The following MICU3 variants were observed in gnomAD, a reference collection of about 807,000 sequenced individuals.
The protein encoded by MICU3 is mitochondrial calcium uptake 3, also known as calcium uptake protein 3, mitochondrial.
A neutral mutation model predicts 66.5 loss-of-function variants in MICU3; 62 were observed. The observed-to-expected ratio is 0.93, with a 90% confidence interval of 0.76 to 1.15. The LOEUF (loss-of-function observed/expected upper bound fraction) is 1.15. Ranked by LOEUF, MICU3 falls within the 50% of genes most tolerant of loss-of-function variation. The pLI is 0.00. For missense variants in MICU3, 779 were observed against 664.4 expected, an observed-to-expected ratio of 1.17 and a Z score of -1.90; for synonymous variants, 308 against 240.7, an observed-to-expected ratio of 1.28 and a Z score of -2.59.
chr8:17,063,351 A>G (rs1433279419), intron 1 of MICU3, among the ~76,000 whole-genome samples: 2 of 152,164 alleles, frequency 1.3e-5, no homozygotes, highest in South Asian at 4.1e-4. Context: ...AAACAAAATT[A>G]TACTTAACAA....
At chr8:17,036,605 C>G (rs982741976) in intron 1 of MICU3, among the ~76,000 whole-genome samples, 1 of 152,128 alleles carries the variant, frequency 6.6e-6, no homozygotes, top group East Asian at 1.9e-4. Context: ...CTCCAAGGCC[C>G]CACCAGAGCA....
downstream of MICU3, among the ~76,000 whole-genome samples, chr8:17,123,768 G>C (rs954001273): frequency 6.6e-6 from 1 of 151,822 alleles, no homozygotes; most frequent in Non-Finnish European, 1.5e-5. Context: ...AAAAAAGTAG[G>C]AGGTCCACTT....
chr8:17,116,977 A>T (rs796544882), intron 13 of MICU3, among the ~76,000 whole-genome samples: 28 of 152,082 alleles, frequency 1.8e-4, no homozygotes, highest in Admixed American at 4.6e-4. Context: ...ATTTTAATTT[A>T]ATTTTATTTA....
At chr8:17,099,855 C>T (rs1020606162) in intron 9 of MICU3, among the ~76,000 whole-genome samples, 1 of 151,726 alleles carries the variant, frequency 6.6e-6, no homozygotes, top group Non-Finnish European at 1.5e-5. Context: ...GAGTATCCAC[C>T]TTCCAGCCTC....
intron 11 of MICU3, among the ~76,000 whole-genome samples, chr8:17,109,663 C>G (rs2150822730): frequency 6.6e-6 from 1 of 152,212 alleles, no homozygotes; most frequent in East Asian, 1.9e-4. Context: ...AACTACATGG[C>G]TAAGGGTGGA....
intron 1 of MICU3, among the ~76,000 whole-genome samples, chr8:17,043,962 A>G (rs920531727): frequency 6.6e-6 from 1 of 152,238 alleles, no homozygotes; most frequent in African/African-American, 2.4e-5. Context: ...TATCCCACAT[A>G]TATGTCACCA....
chr8:17,101,469 C>A (rs1366503675), intron 9 of MICU3, among the ~76,000 whole-genome samples: 1 of 151,730 alleles, frequency 6.6e-6, no homozygotes, highest in Non-Finnish European at 1.5e-5. Context: ...GTTACTTATG[C>A]CTCATTGGAT....
At chr8:17,038,778 C>T (rs1160090625) in intron 1 of MICU3, among the ~76,000 whole-genome samples, 1 of 151,818 alleles carries the variant, frequency 6.6e-6, no homozygotes, top group Non-Finnish European at 1.5e-5. Flanking sequence ...ACGGTGAAAC[C>T]CCGTCTCTAC....
intron 1 of MICU3, among the ~76,000 whole-genome samples, chr8:17,031,727 G>C (rs1463885267): frequency 6.6e-6 from 1 of 152,150 alleles, no homozygotes; most frequent in Non-Finnish European, 1.5e-5. Context: ...AAATTAACCT[G>C]TATGTGTTAT....
In MICU3 at chr8:17,077,343, C is replaced by T. The variant is rs1820525341; in HGVS notation, c.568-440C>T. ...TCATTTACTTCCTCTACACAAAGTT[C>T]TCTAATTCCAAATGTGTTACAAAGA... On this transcript the variant is annotated intron_variant, in intron 3 of 14. Coordinates refer to ENST00000318063, the MANE Select transcript of MICU3 (RefSeq NM_181723.3). Among the ~76,000 whole-genome samples, 9 of 152,306 alleles carry T rather than the reference C, an allele frequency of 5.9e-5. No individual in the cohort carries two copies. The South Asian group carries it at 1.7e-3, about 28-fold the overall frequency.
chr8:17,125,102 A>G (rs1024213126), downstream of MICU3, among the ~76,000 whole-genome samples: 7 of 152,024 alleles, frequency 4.6e-5, no homozygotes, highest in African/African-American at 7.2e-5. Flanking sequence ...TGGTATTTCT[A>G]TTATTCAGAT....
At chr8:17,066,770 C>T (rs924669470) in intron 2 of MICU3, among the ~76,000 whole-genome samples, 24 of 152,028 alleles carry the variant, frequency 1.6e-4, no homozygotes, top group Middle Eastern at 6.8e-3. Context: ...TTGGCTTGAA[C>T]TCCTGGGCTC....
intron 11 of MICU3, among the ~76,000 whole-genome samples, chr8:17,106,114 G>C (rs982399250): frequency 3.9e-5 from 6 of 152,008 alleles, no homozygotes; most frequent in African/African-American, 1.2e-4. Flanking sequence ...TGTGTTGTCA[G>C]TGCTTCTGAA....
chr8:17,053,488 T>A (rs1476544421), intron 1 of MICU3, among the ~76,000 whole-genome samples: 1 of 152,188 alleles, frequency 6.6e-6, no homozygotes, highest in Admixed American at 6.5e-5. Flanking sequence ...CCTCACTACC[T>A]TAACAAGTAA....
intron 8 of MICU3, among the ~76,000 whole-genome samples, chr8:17,096,464 T>C (rs1239516166): frequency 6.6e-6 from 1 of 151,894 alleles, no homozygotes; most frequent in Non-Finnish European, 1.5e-5. Flanking sequence ...CATTTAAAAC[T>C]GTCTCCAGAA....
In MICU3 at chr8:17,121,872, T is replaced by C. The variant is rs1803219573; in HGVS notation, c.*1585T>C. 2 of 151,814 alleles carry C rather than the reference T, an allele frequency of 1.3e-5. No homozygotes were observed. Among genetic ancestry groups the C allele is most frequent in the South Asian group, 4.1e-4 (2 of 4,828 alleles). 9.4% of individuals were successfully genotyped at this position (151,814 alleles called of 1,614,324 possible). On this transcript the variant is annotated 3_prime_UTR_variant, in exon 15 of 15. Coordinates refer to ENST00000318063, the MANE Select transcript of MICU3 (RefSeq NM_181723.3). ...TCACTTGCTTTGAAAGTTGATTTAATTGACTGACTAAATGAAAATGCCTAC... is the reference window on the plus strand; with the variant it reads ...TCACTTGCTTTGAAAGTTGATTTAACTGACTGACTAAATGAAAATGCCTAC...
At chr8:17,117,407 A>C (rs545278482) in intron 13 of MICU3, among the ~76,000 whole-genome samples, 1 of 152,336 alleles carries the variant, frequency 6.6e-6, no homozygotes, top group East Asian at 1.9e-4. Context: ...ACAGTAAAAA[A>C]TAATTACCAG....
rs1344676115 is a variant in MICU3 at position 17,064,181 on chromosome 8, A to G, written c.479A>G (p.Gln160Arg). Residue 160 changes from glutamine to arginine, a missense_variant, in exon 2 of 15, where the codon CAG becomes CGG. Physicochemically the swap from Gln to Arg is conservative, Grantham distance 43. Transcript: ENST00000318063. ...RLFASIECEGQLFMTPYDFIL... is the reference protein window; with the variant it reads ...RLFASIECEGRLFMTPYDFIL... ...TTTGCTTCTATAGAATGTGAAGGGC[A>G]GTTATTCATGACTCCGTATGATTTT... 3 of 1,612,946 alleles carry G rather than the reference A, an allele frequency of 1.9e-6. No individual in the cohort carries two copies. Among genetic ancestry groups the G allele is most frequent in the Non-Finnish European group, 2.5e-6 (3 of 1,179,304 alleles).
chr8:17,065,038 T>G (rs1227526802), intron 2 of MICU3, among the ~76,000 whole-genome samples: 1 of 152,138 alleles, frequency 6.6e-6, no homozygotes, highest in Non-Finnish European at 1.5e-5. Flanking sequence ...ACAATTTCAA[T>G]TTTGGTCATG....
Sources: gnomAD v4.1 joint callset for allele counts (sites outside exome capture counted in the v4.1 genomes callset) on GRCh38, gnomAD v4.1.1 for gene constraint, MANE v1.5 for transcripts, NCBI Gene and HGNC (gene_info 2026-07-23, HGNC 2026-07-21) for gene names.